The following ITPR1 variants were observed in gnomAD, a reference collection of about 807,000 sequenced individuals.
ITPR1 encodes the protein inositol 1,4,5-trisphosphate receptor type 1, also known as inositol 1,4,5-trisphosphate-gated calcium channel ITPR1.
ITPR1 carries 96 observed loss-of-function variants against 318.4 expected under a neutral mutation model. The observed-to-expected ratio is 0.30, with a 90% confidence interval of 0.26 to 0.36. The LOEUF (loss-of-function observed/expected upper bound fraction) is 0.36. Among genes scored for constraint, ITPR1 ranks in the 10% least tolerant of loss-of-function variants. The pLI is 1.00. For synonymous variants in ITPR1, 1,312 were observed against 1,289.9 expected (o/e 1.02, Z -0.37); for missense variants, 2,440 against 3,460.2 (o/e 0.71, Z 7.40).
intron 42 of ITPR1, among the ~76,000 whole-genome samples, chr3:4,730,774 A>T (rs886266830): frequency 6.6e-6 from 1 of 152,238 alleles, no homozygotes; most frequent in Non-Finnish European, 1.5e-5. Flanking sequence ...CACAGGCTCC[A>T]GTTGAGACCC....
chr3:4,549,514 C>T (rs2085347865), intron 4 of ITPR1, among the ~76,000 whole-genome samples: 1 of 140,826 alleles, frequency 7.1e-6, no homozygotes, highest in Non-Finnish European at 1.6e-5. Context: ...TTTTCCCTTC[C>T]TCCCTTCCTT....
chr3:4,814,441 A>G lies in ITPR1; in HGVS notation c.7580A>G (p.Glu2527Gly). Residue 2527 changes from glutamate to glycine, a missense_variant, in exon 58 of 62, where the codon GAG becomes GGG. Glu to Gly is a moderately conservative substitution (Grantham distance 98, BLOSUM62 -2). Coordinates refer to ENST00000649015, the MANE Select transcript of ITPR1 (RefSeq NM_001378452.1). ...TTCACAGAGCTGGTCCCTGCAGAAG[A>G]GACGGAACAGGATAAAGAGCACACA... is the stretch of plus-strand genomic sequence containing the variant. ...APREELVPAE[E>G]TEQDKEHTCE... 1 of 1,613,964 alleles carries G rather than the reference A, an allele frequency of 6.2e-7. No homozygotes were observed. The highest frequency in any genetic ancestry group is 8.5e-7 in the Non-Finnish European group (1 of 1,179,874).
Position 4,675,224 on chromosome 3 carries a change from A to G in ITPR1, c.2755A>G (p.Asn919Asp). The G allele has an allele frequency of 6.2e-7, 1 of 1,611,482 alleles. No individual in the cohort carries two copies. Among genetic ancestry groups the G allele is most frequent in the Non-Finnish European group, 8.5e-7 (1 of 1,179,116 alleles). Reference protein sequence around the residue: ...KMAKGEENKGNNDVEKLKSSN... With the variant: ...KMAKGEENKGDNDVEKLKSSN... The stretch of plus-strand genomic sequence containing the variant: ...GGCGAAAGGAGAAGAGAATAAAGGT[A>G]ACAATGATGTGGAGAAGCTGAAGAG... Residue 919 changes from asparagine (N) to aspartate (D), a missense_variant, in exon 23 of 62, where the codon AAC becomes GAC. Transcript: ENST00000649015.
intron 60 of ITPR1, among the ~76,000 whole-genome samples, chr3:4,835,998 A>C (rs1330834272): frequency 6.6e-6 from 1 of 152,206 alleles, no homozygotes; most frequent in Non-Finnish European, 1.5e-5. Context: ...ATAAGCTCAT[A>C]AACGGGGACA....
Position 4,741,248 on chromosome 3 carries a change from A to G in ITPR1, c.5544+5894A>G, listed in dbSNP as rs551786985. Among the ~76,000 whole-genome samples, 61 of 152,256 alleles carry G rather than the reference A, an allele frequency of 4.0e-4. 1 individual carries two copies. Among genetic ancestry groups the G allele is most frequent in the Admixed American group, 2.0e-3 (31 of 15,306 alleles). ...TAAGCCAATACAGATGTTTTGGGAT[A>G]TATATGCTGACATGACCATAGAGAA... On this transcript the variant is annotated intron_variant, in intron 44 of 61. Coordinates refer to ENST00000649015, the MANE Select transcript of ITPR1 (RefSeq NM_001378452.1).
chr3:4,574,461 A>G (rs1168345274), intron 4 of ITPR1, among the ~76,000 whole-genome samples: 2 of 152,224 alleles, frequency 1.3e-5, no homozygotes, highest in African/African-American at 2.4e-5. Context: ...TGTGAATTAT[A>G]TAATAGAATC....
At chr3:4,665,472 C>T (rs896503970) in intron 17 of ITPR1, among the ~76,000 whole-genome samples, 176 bp downstream of exon 17, 1 of 152,188 alleles carries the variant, frequency 6.6e-6, no homozygotes, top group African/African-American at 2.4e-5. Flanking sequence ...ATTACCTAAT[C>T]GTTAAGAAAC....
intron 4 of ITPR1, among the ~76,000 whole-genome samples, chr3:4,592,411 G>T (rs1245666823): frequency 6.6e-6 from 1 of 151,984 alleles, no homozygotes; most frequent in Non-Finnish European, 1.5e-5. Context: ...CATCTATCGT[G>T]AGACCATTTT....
chr3:4,636,102 C>T (rs984846289), intron 5 of ITPR1, among the ~76,000 whole-genome samples: 1 of 151,976 alleles, frequency 6.6e-6, no homozygotes, highest in East Asian at 1.9e-4. Flanking sequence ...TCACGTGATC[C>T]GCCCAAAGTG....
chr3:4,668,578 C>T (rs780569751), intron 18 of ITPR1, among the ~76,000 whole-genome samples: 18 of 152,066 alleles, frequency 1.2e-4, no homozygotes, highest in Non-Finnish European at 2.1e-4. Context: ...AGCAATTGTT[C>T]TGCCTCAGGC....
At chr3:4,714,740 T>C (rs575326831) in intron 39 of ITPR1, among the ~76,000 whole-genome samples, 1 of 152,238 alleles carries the variant, frequency 6.6e-6, no homozygotes, top group Non-Finnish European at 1.5e-5. Context: ...CATTCAACTT[T>C]AGTACTTAGT....
chr3:4,603,062 A>T (rs114428249), intron 4 of ITPR1, among the ~76,000 whole-genome samples: 2 of 152,202 alleles, frequency 1.3e-5, no homozygotes, highest in Non-Finnish European at 2.9e-5. Context: ...ATATATGCAG[A>T]TGAAACAACA....
At chr3:4,796,317 T>C (rs1307075677) in intron 53 of ITPR1, among the ~76,000 whole-genome samples, 4 of 151,522 alleles carry the variant, frequency 2.6e-5, no homozygotes, top group Non-Finnish European at 1.5e-5. Flanking sequence ...TTTAATGTCA[T>C]GTCAGGAAAC....
chr3:4,579,963 C>T (rs1047640225), intron 4 of ITPR1, among the ~76,000 whole-genome samples: 1 of 152,172 alleles, frequency 6.6e-6, no homozygotes, highest in African/African-American at 2.4e-5. Context: ...GTAATCCCAG[C>T]ACTTTGGGAG....
intron 43 of ITPR1, 29 bp downstream of exon 43, chr3:4,733,249 G>T (rs565281403): frequency 1.2e-6 from 2 of 1,611,450 alleles, no homozygotes; most frequent in African/African-American, 1.3e-5. Flanking sequence ...TTACCTTCGT[G>T]TGTGAATCAA....
At chr3:4,845,138 G>C (rs1286779932) in intron 61 of ITPR1, among the ~76,000 whole-genome samples, 2 of 152,288 alleles carry the variant, frequency 1.3e-5, no homozygotes, top group East Asian at 3.9e-4. Flanking sequence ...AAAACCATAA[G>C]AAACTAGATC....
At chr3:4,570,569 T>C (rs1002255082) in intron 4 of ITPR1, among the ~76,000 whole-genome samples, 3 of 152,258 alleles carry the variant, frequency 2.0e-5, no homozygotes, top group Non-Finnish European at 2.9e-5. Context: ...TCTGAATGCC[T>C]GATAGCCTTC....
chr3:4,795,377 T>G (rs181050145), intron 53 of ITPR1, among the ~76,000 whole-genome samples, 190 bp downstream of exon 53: 2 of 152,310 alleles, frequency 1.3e-5, no homozygotes, highest in Non-Finnish European at 2.9e-5. Flanking sequence ...TTTAACTTTT[T>G]TATCCATTTT....
rs1348949347 is a variant in ITPR1, at chr3:4,777,278, C to G, written c.6195C>G (p.Thr2065=). ...PCHENQNCIA[T]HESNGIDIIT... Reference sequence around the variant, plus strand: ...TCTTTGCTCAGAACTGCATAGCCACCCATGAATCCAATGGCATTGACATCA... The same window carrying G: ...TCTTTGCTCAGAACTGCATAGCCACGCATGAATCCAATGGCATTGACATCA... Residue 2065 remains threonine, a synonymous_variant, in exon 48 of 62, where the codon ACC becomes ACG. Transcript: ENST00000649015. 6.2e-7 allele frequency: 1 copy of G among 1,601,042 alleles called. No individual in the cohort carries two copies. The highest frequency in any genetic ancestry group is 1.3e-5 in the African/African-American group (1 of 74,678).
Sources: gnomAD v4.1 joint callset for allele counts (sites outside exome capture counted in the v4.1 genomes callset) on GRCh38, gnomAD v4.1.1 for gene constraint, MANE v1.5 for transcripts, NCBI Gene and HGNC (gene_info 2026-07-23, HGNC 2026-07-21) for gene names.